Variants in AP1G1 observed in about 807,000 individuals in gnomAD.
AP1G1 encodes the protein AP-1 complex subunit gamma-1.
Under a neutral mutation model 108.3 loss-of-function variants are expected in AP1G1, and 7 were observed. The ratio of observed to expected loss-of-function variants is 0.06; its 90% CI spans 0.04 to 0.12. The LOEUF (loss-of-function observed/expected upper bound fraction) is 0.12, where lower values mean the gene tolerates loss of function less well. Among genes scored for constraint, AP1G1 ranks in the 10% least tolerant of loss-of-function variants. AP1G1 has a pLI of 1.00. For missense variants in AP1G1, 756 were observed against 1,010.7 expected (o/e 0.75, Z 3.42); for synonymous variants, 379 against 353.5 (o/e 1.07, Z -0.81).
chr16:71,742,424 A>AT (rs1309941108), intron 19 of AP1G1: 1 of 152,160 alleles, frequency 6.6e-6, no homozygotes, highest in East Asian at 1.9e-4. Flanking sequence ...ATAATATACA[A>AT]TGCTTATGAC....
In AP1G1 at chr16:71,773,347, G is replaced by A. The variant is rs767212428; in HGVS notation, c.342C>T (p.Ser114=). ...GTGCTAACCCCTGTACGAATTGCGT[G>A]CTATGATTAAGATCACTGCAAAAGA... The part of the protein sequence containing the change: ...TNCIKNDLNH[S]TQFVQGLALC... The change falls in exon 4 of 23, where the codon AGC becomes AGT. Residue 114 remains serine (S), a synonymous_variant. Coordinates refer to ENST00000299980, the MANE Select transcript of AP1G1 (RefSeq NM_001128.6). 6.5e-7 allele frequency: 1 copy of A among 1,542,880 alleles called. No homozygotes were observed. The highest frequency in any genetic ancestry group is 1.4e-5 in the African/African-American group (1 of 71,530).
At chr16:71,738,830 G>C (rs1030944600) in intron 21 of AP1G1, 112 bp downstream of exon 21, 16 of 970,442 alleles carry the variant, frequency 1.6e-5, no homozygotes, top group Non-Finnish European at 2.0e-5. Context: ...TTTGAATTAA[G>C]TCTACAAATT....
At chr16:71,769,845 G>A (rs1038950340) in intron 5 of AP1G1, 146 bp from the exon 6 acceptor site, 1 of 595,888 alleles carries the variant, frequency 1.7e-6, no homozygotes, top group Non-Finnish European at 3.0e-6. Flanking sequence ...GCATTGAAGT[G>A]AATACAAAGG....
intron 2 of AP1G1, among the ~76,000 whole-genome samples, chr16:71,786,259 A>G (rs768236280): frequency 4.6e-5 from 7 of 152,172 alleles, no homozygotes; most frequent in Non-Finnish European, 8.8e-5. Flanking sequence ...TGAATCTTAG[A>G]AAATATAGAG....
chr16:71,775,086 G>A (rs916705797), intron 2 of AP1G1, among the ~76,000 whole-genome samples: 7 of 142,014 alleles, frequency 4.9e-5, no homozygotes, highest in Non-Finnish European at 1.1e-4. Flanking sequence ...GAGTGCAATG[G>A]CGCGATCCCA....
chr16:71,780,609 CT>C (rs975210600), intron 2 of AP1G1, among the ~76,000 whole-genome samples: 1 of 151,122 alleles, frequency 6.6e-6, no homozygotes, highest in Non-Finnish European at 1.5e-5. Flanking sequence ...TTGGGTAGAC[CT>C]TTTTAAAAGT....
rs993964052 is a variant in AP1G1, at chr16:71,746,724, C to T, written c.1626-32G>A. 15 of 1,516,014 alleles carry T rather than the reference C, an allele frequency of 9.9e-6. No homozygotes were observed. In the African/African-American group the frequency reaches 1.6e-4, roughly 17 times the overall value. 93.9% of individuals were successfully genotyped at this position (1,516,014 alleles called of 1,614,324 possible). A position where few individuals can be genotyped will look rare whatever the true frequency, so the allele number is the denominator to read the frequency against. On this transcript the variant is annotated intron_variant, in intron 16 of 22. Transcript: ENST00000299980. ...ATAAAATGACAAACGAAATAAAATA[C>T]CCAAAAGAAAATTCACAAATAAGCA...
Position 71,802,842 on chromosome 16 carries a change from A to G in AP1G1, c.-4+5921T>C, listed in dbSNP as rs376097834. ...TTCCCAAAGTACTGGGATTACAGAC[A>G]TGAGCCACCAGGTCTGGCCAGCGAA... is the stretch of plus-strand genomic sequence containing the variant. On this transcript the variant is annotated intron_variant, in intron 1 of 22. Transcript: ENST00000299980. Among the ~76,000 whole-genome samples, 308 of 152,276 alleles carry G rather than the reference A, an allele frequency of 2.0e-3. 2 individuals are homozygous for G. Among genetic ancestry groups the G allele is most frequent in the African/African-American group, 7.0e-3 (290 of 41,566 alleles).
At chr16:71,760,607 T>C (rs1311890046) in intron 10 of AP1G1, among the ~76,000 whole-genome samples, 1 of 151,446 alleles carries the variant, frequency 6.6e-6, no homozygotes, top group African/African-American at 2.4e-5. Flanking sequence ...TGCAGTGGCA[T>C]GATCACAGCT....
At chr16:71,803,167 T>A (rs1003397233) in intron 1 of AP1G1, among the ~76,000 whole-genome samples, 9 of 152,000 alleles carry the variant, frequency 5.9e-5, no homozygotes, top group African/African-American at 2.2e-4. Context: ...TAAGCTGAGA[T>A]GGCACCACTG....
chr16:71,771,164 T>G lies in AP1G1; in HGVS notation c.557A>C (p.Lys186Thr). The G allele has an allele frequency of 1.3e-6, 2 of 1,594,186 alleles. No homozygotes were observed. The highest frequency in any genetic ancestry group is 1.7e-6 in the Non-Finnish European group (2 of 1,163,914). The change falls in exon 5 of 23, where the codon AAG (lysine) becomes ACG (threonine). Residue 186 changes from lysine (K) to threonine (T), a missense_variant. Physicochemically the swap from Lys to Thr is moderately conservative, Grantham distance 78 (BLOSUM62 -1). Coordinates refer to ENST00000299980, the MANE Select transcript of AP1G1 (RefSeq NM_001128.6). ...CATCCAAATTACATTACCATGGTTC[T>G]TCTCATTCAATAAATTTTTTGTTGC... is the stretch of plus-strand genomic sequence containing the variant. ...LPATKNLLNE[K>T]NHGVLHTSVV...
intron 2 of AP1G1, among the ~76,000 whole-genome samples, chr16:71,776,384 A>T (rs1476867468): frequency 6.6e-6 from 1 of 152,252 alleles, no homozygotes; most frequent in Non-Finnish European, 1.5e-5. Context: ...TTATGTAAGT[A>T]ACAAATCTTC....
chr16:71,731,899 T>G lies in AP1G1; in HGVS notation c.*1159A>C, dbSNP rs2045478985. 6.6e-6 allele frequency: 1 copy of G among 152,668 alleles called. No homozygotes were observed. The highest frequency in any genetic ancestry group is 2.1e-4 in the South Asian group (1 of 4,832). 9.5% of individuals were successfully genotyped at this position (152,668 alleles called of 1,614,324 possible). On this transcript the variant is annotated 3_prime_UTR_variant, in exon 23 of 23. Coordinates refer to ENST00000299980, the MANE Select transcript of AP1G1 (RefSeq NM_001128.6). Reference sequence around the variant, plus strand: ...GAAAGATTTCTTTAACCGTGTGGTCTTTATTTCAGTGCCAGTGTTACAGAT... The same window carrying G: ...GAAAGATTTCTTTAACCGTGTGGTCGTTATTTCAGTGCCAGTGTTACAGAT...
chr16:71,808,416 T>C, intron 1 of AP1G1: 2 of 1,114,578 alleles, frequency 1.8e-6, no homozygotes, highest in Non-Finnish European at 2.3e-6. Context: ...CACGCGGGGG[T>C]GGGGCCCGCC....
At chr16:71,757,956 T>C (rs1055451316) in intron 11 of AP1G1, among the ~76,000 whole-genome samples, 3 of 152,108 alleles carry the variant, frequency 2.0e-5, no homozygotes, top group African/African-American at 7.2e-5. Context: ...TTAGGCTCTC[T>C]CATTGGCCTG....
intron 1 of AP1G1, among the ~76,000 whole-genome samples, chr16:71,804,229 G>T (rs1215218162): frequency 6.6e-6 from 1 of 151,174 alleles, no homozygotes; most frequent in Non-Finnish European, 1.5e-5. Flanking sequence ...CTATTTTTTT[G>T]TAGAGATGGG....
chr16:71,806,600 CT>C, intron 1 of AP1G1: 1 of 826,624 alleles, frequency 1.2e-6, no homozygotes, highest in Admixed American at 3.3e-5. Context: ...TAACTAACAT[CT>C]ATGTGATAGC....
At chr16:71,770,794 A>C (rs2031540792) in intron 5 of AP1G1, among the ~76,000 whole-genome samples, 1 of 152,224 alleles carries the variant, frequency 6.6e-6, no homozygotes, top group Admixed American at 6.5e-5. Context: ...CTCCTACCAC[A>C]TGATAATGGA....
intron 1 of AP1G1, among the ~76,000 whole-genome samples, chr16:71,805,665 T>C (rs577922386): frequency 1.1e-3 from 169 of 152,314 alleles, no homozygotes; most frequent in Non-Finnish European, 1.8e-3. Flanking sequence ...TTTTGGTATG[T>C]AGATTGCCAA....
Sources: allele counts gnomAD v4.1 joint callset (sites outside exome capture counted in the v4.1 genomes callset), GRCh38; gene constraint gnomAD v4.1.1; transcripts MANE v1.5; gene names NCBI Gene and HGNC (gene_info 2026-07-23, HGNC 2026-07-21).